ASTN1: variants seen among roughly 807,000 people sequenced by gnomAD.
ASTN1 encodes astrotactin 1, also known as astrotactin-1.
In ASTN1, 41 loss-of-function variants were observed where a neutral mutation model predicts 140.7. The ratio of observed to expected loss-of-function variants is 0.29; its 90% CI spans 0.23 to 0.38. The LOEUF is 0.38. ASTN1 is among the 10% of genes least tolerant of loss of function. The pLI, the probability that ASTN1 is intolerant of heterozygous loss-of-function variation, is 1.00. For synonymous variants in ASTN1, 640 were observed against 652.2 expected (o/e 0.98, Z 0.29); for missense variants, 1,479 against 1,678.8 (o/e 0.88, Z 2.08).
At chr1:176,925,247 G>C in intron 16 of ASTN1, among the ~76,000 whole-genome samples, 1 of 152,252 alleles carries the variant, frequency 6.6e-6, no homozygotes. Context: ...GGAGACCACC[G>C]TGCCATGGCT....
chr1:176,870,329 C>T (rs1291594246), intron 21 of ASTN1, among the ~76,000 whole-genome samples: 3 of 152,348 alleles, frequency 2.0e-5, no homozygotes, highest in African/African-American at 7.2e-5. Flanking sequence ...GCCATGGTAG[C>T]TTGATTCCTG....
chr1:177,086,052 C>G (rs1460918449), intron 1 of ASTN1, among the ~76,000 whole-genome samples: 2 of 152,118 alleles, frequency 1.3e-5, no homozygotes, highest in Non-Finnish European at 2.9e-5. Context: ...ATTTTATGTT[C>G]CCTGTGGGCC....
In ASTN1 at chr1:177,087,973, C is replaced by T. The variant is rs532601048; in HGVS notation, c.284-26708G>A. 5.9e-5 allele frequency among the ~76,000 whole-genome samples: 9 copies of T among 152,300 alleles called. No homozygotes were observed. In the East Asian group the frequency reaches 9.7e-4, roughly 16 times the overall value. Reference sequence around the variant, plus strand: ...TCAGCACCAGCTCAGTTGAGCTCTACGTCCTGGGATTTACTGAGCTGTTTG... The same window carrying T: ...TCAGCACCAGCTCAGTTGAGCTCTATGTCCTGGGATTTACTGAGCTGTTTG... On this transcript the variant is annotated intron_variant, in intron 1 of 22. Coordinates refer to ENST00000361833, the MANE Select transcript of ASTN1 (RefSeq NM_004319.3).
intron 1 of ASTN1, among the ~76,000 whole-genome samples, chr1:177,133,099 C>T (rs1050654484): frequency 2.6e-5 from 4 of 152,214 alleles, no homozygotes; most frequent in Non-Finnish European, 4.4e-5. Flanking sequence ...CAGCTGAATC[C>T]TGCTTTTATC....
At chr1:177,086,094 A>C (rs1679451198) in intron 1 of ASTN1, among the ~76,000 whole-genome samples, 1 of 152,042 alleles carries the variant, frequency 6.6e-6, no homozygotes, top group African/African-American at 2.4e-5. Context: ...CAAACTCAAT[A>C]ATTATGATCT....
intron 8 of ASTN1, among the ~76,000 whole-genome samples, chr1:177,002,303 C>T (rs564860090): frequency 4.0e-5 from 6 of 151,752 alleles, no homozygotes; most frequent in Admixed American, 1.3e-4. Context: ...GGCATCAGAC[C>T]GTTCTGTTCA....
intron 8 of ASTN1, chr1:176,976,556 T>G (rs183284552): frequency 7.2e-4 from 110 of 152,354 alleles, no homozygotes; most frequent in African/African-American, 2.4e-3. Context: ...CAGATAGATC[T>G]CCATTCAAGT....
intron 8 of ASTN1, among the ~76,000 whole-genome samples, chr1:176,994,010 T>G (rs1282239697): frequency 8.2e-6 from 1 of 121,900 alleles, no homozygotes; most frequent in East Asian, 2.0e-4. Flanking sequence ...GTGAGAACTG[T>G]GTGTGTACGT....
At chr1:177,074,722 C>A (rs1282633670) in intron 1 of ASTN1, among the ~76,000 whole-genome samples, 1 of 152,150 alleles carries the variant, frequency 6.6e-6, no homozygotes, top group South Asian at 2.1e-4. Flanking sequence ...TCATGATGCA[C>A]GTATGTGTTT....
At chr1:176,978,020 G>T (rs373808032) in intron 8 of ASTN1, among the ~76,000 whole-genome samples, 2 of 152,220 alleles carry the variant, frequency 1.3e-5, no homozygotes, top group African/African-American at 4.8e-5. Context: ...CATGGAAAAG[G>T]CTCAGTCAGG....
intron 8 of ASTN1, among the ~76,000 whole-genome samples, chr1:176,982,680 A>G (rs558649723): frequency 1.3e-5 from 2 of 152,292 alleles, no homozygotes; most frequent in African/African-American, 4.8e-5. Context: ...TGACCTTCAG[A>G]AATTTCTGAT....
At chr1:177,158,655 C>CGCGT (rs1553265015) in intron 1 of ASTN1, among the ~76,000 whole-genome samples, 3 of 142,612 alleles carry the variant, frequency 2.1e-5, no homozygotes, top group African/African-American at 7.8e-5. Flanking sequence ...GAAAAAAGTA[C>CGCGT]GTGTGTGTGT....
chr1:176,941,903 A>T (rs1171582355), intron 14 of ASTN1, among the ~76,000 whole-genome samples: 1 of 152,238 alleles, frequency 6.6e-6, no homozygotes, highest in East Asian at 1.9e-4. Context: ...CAAGGAAACT[A>T]GATTCCCTAA....
At chr1:176,973,858 T>C (rs911097163) in intron 8 of ASTN1, among the ~76,000 whole-genome samples, 1 of 152,178 alleles carries the variant, frequency 6.6e-6, no homozygotes, top group East Asian at 1.9e-4. Flanking sequence ...TGGCATTTCA[T>C]AGGCAATGGG....
At chr1:177,062,849 C>T (rs543359314) in intron 1 of ASTN1, among the ~76,000 whole-genome samples, 1 of 152,172 alleles carries the variant, frequency 6.6e-6, no homozygotes, top group Non-Finnish European at 1.5e-5. Flanking sequence ...CACTCAGATA[C>T]TAATCTAAAC....
rs554492768 is a variant in ASTN1, at chr1:177,061,333, G to A, written c.284-68C>T. On this transcript the variant is annotated intron_variant, in intron 1 of 22. Coordinates refer to ENST00000361833, the MANE Select transcript of ASTN1 (RefSeq NM_004319.3). ...GACCAAGTTTTTCATCTTCTTCCTC[G>A]CCACTTGTACCAATTAGCCAGTTTC... is the stretch of plus-strand genomic sequence containing the variant. 2.1e-5 allele frequency: 29 copies of A among 1,388,794 alleles called. No homozygotes were observed. The Admixed American group carries it at 2.3e-4, about 11-fold the overall frequency. 86.0% of individuals were successfully genotyped at this position (1,388,794 alleles called of 1,614,324 possible).
chr1:177,030,871 T>G lies in ASTN1; in HGVS notation c.947A>C (p.Gln316Pro), dbSNP rs1676399993. Residue 316 changes from glutamine (Q) to proline (P), a missense_variant, in exon 4 of 23, where the codon CAG becomes CCG. By Grantham distance (76) the Gln-to-Pro change is moderately conservative. Around this residue, in one of 3 missense-constraint regions of ASTN1, gnomAD observed 729 missense variants for 860.4 expected, o/e 0.85. Transcript: ENST00000361833. The part of the protein sequence containing the change: ...IATSPVDSNH[Q>P]QATLLSHTSS... ...GGTGTGAGAGAGAAGGGTGGCTTGC[T>G]GGTGGTTGGAGTCCACAGGGCTAGT... 1 of 1,614,108 alleles carries G rather than the reference T, an allele frequency of 6.2e-7. No individual in the cohort carries two copies. The highest frequency in any genetic ancestry group is 1.3e-5 in the African/African-American group (1 of 74,938).
intron 2 of ASTN1, among the ~76,000 whole-genome samples, chr1:177,054,289 C>A (rs1677688307): frequency 6.6e-6 from 1 of 152,220 alleles, no homozygotes; most frequent in Admixed American, 6.5e-5. Flanking sequence ...ATATTGAAAG[C>A]ACTTGAAACA....
At chr1:176,957,029 G>A (rs2103128497) in intron 11 of ASTN1, among the ~76,000 whole-genome samples, 1 of 152,152 alleles carries the variant, frequency 6.6e-6, no homozygotes, top group African/African-American at 2.4e-5. Context: ...TCCAGAGTAG[G>A]TAAGACTATC....
Sources: allele counts gnomAD v4.1 joint callset (sites outside exome capture counted in the v4.1 genomes callset), GRCh38; gene constraint gnomAD v4.1.1; regional missense constraint gnomAD v4.1.1; transcripts MANE v1.5; gene names NCBI Gene and HGNC (gene_info 2026-07-23, HGNC 2026-07-21).